The following CADM2 variants were observed in gnomAD, a reference collection of about 807,000 sequenced individuals.
CADM2 encodes the protein immunoglobulin superfamily member 4D.
A neutral mutation model predicts 49.8 loss-of-function variants in CADM2; 12 were observed. That is an observed-to-expected ratio of 0.24 (90% CI 0.15 to 0.39). The LOEUF is 0.39. CADM2 is among the 10% of genes least tolerant of loss of function. The probability of loss-of-function intolerance (pLI) is 1.00; values close to 1 mark genes in which losing one functional copy is unlikely to be tolerated. For missense variants in CADM2, 378 were observed against 492.3 expected, an observed-to-expected ratio of 0.77 and a Z score of 2.20; for synonymous variants, 214 against 175.4, an observed-to-expected ratio of 1.22 and a Z score of -1.74.
At chr3:85,307,613 C>A (rs960435847) in intron 1 of CADM2, among the ~76,000 whole-genome samples, 1 of 151,486 alleles carries the variant, frequency 6.6e-6, no homozygotes, top group African/African-American at 2.4e-5. Flanking sequence ...CTTCTTTGTT[C>A]TTTGTTAAGA....
At chr3:85,471,882 C>A (rs926358108) in intron 1 of CADM2, among the ~76,000 whole-genome samples, 2 of 151,436 alleles carry the variant, frequency 1.3e-5, no homozygotes, top group Admixed American at 1.3e-4. Flanking sequence ...ATAAGTAGTT[C>A]TCAATTCTAA....
At chr3:85,116,819 T>TA (rs2038655857) in intron 1 of CADM2, among the ~76,000 whole-genome samples, 1 of 152,088 alleles carries the variant, frequency 6.6e-6, no homozygotes, top group South Asian at 2.1e-4. Context: ...TTAAATGGTA[T>TA]AAAAAAATCA....
Position 85,672,191 on chromosome 3 carries a change from C to CTTT in CADM2, c.62-54314_62-54312dup, listed in dbSNP as rs5850710. Among the ~76,000 whole-genome samples, 31 of 124,314 alleles carry CTTT rather than the reference C, an allele frequency of 2.5e-4. 1 individual carries two copies. The highest frequency in any genetic ancestry group is 2.0e-3 in the South Asian group (7 of 3,546). The allele number at this position is 124,314 out of a possible 152,430, so 81.6% of individuals were successfully genotyped here. On this transcript the variant is annotated intron_variant, in intron 1 of 9. Transcript: ENST00000383699. The stretch of plus-strand genomic sequence containing the variant: ...ATTCTAAAATTTACTTCTAGGATGT[C>CTTT]TTTTTTTTTTTTTTTTTTTGAGACA...
intron 7 of CADM2, among the ~76,000 whole-genome samples, chr3:85,960,468 G>A (rs531329556): frequency 9.9e-5 from 15 of 152,010 alleles, no homozygotes; most frequent in African/African-American, 3.4e-4. Context: ...GGAGGTACTA[G>A]ATGAAGCATC....
Position 86,065,659 on chromosome 3 carries a change from T to C in CADM2, c.1025T>C (p.Ile342Thr). 1 of 1,614,046 alleles carries C rather than the reference T, an allele frequency of 6.2e-7. No homozygotes were observed. Residue 342 changes from isoleucine (I) to threonine (T), a missense_variant, in exon 9 of 10, where the codon ATA becomes ACA. Physicochemically the swap from Ile to Thr is moderately conservative, Grantham distance 89 (BLOSUM62 -1). Coordinates refer to ENST00000383699, the MANE Select transcript of CADM2 (RefSeq NM_001167675.2). ...CCTGACCATGCTCTCATAGGAGGAA[T>C]AGTGGCTGTAGTTGTATTTGTCACG... Reference protein sequence around the residue: ...NGPDHALIGGIVAVVVFVTLC... With the variant: ...NGPDHALIGGTVAVVVFVTLC...
chr3:85,825,383 G>A (rs1348420443), intron 3 of CADM2, among the ~76,000 whole-genome samples: 3 of 152,062 alleles, frequency 2.0e-5, no homozygotes, highest in Non-Finnish European at 1.5e-5. Context: ...TATGGCATGT[G>A]GCTTCAGCTG....
chr3:85,894,588 A>C (rs1714959574), intron 5 of CADM2, among the ~76,000 whole-genome samples: 1 of 152,158 alleles, frequency 6.6e-6, no homozygotes, highest in African/African-American at 2.4e-5. Flanking sequence ...CAAGACAATG[A>C]GGAAAATGTC....
chr3:85,709,077 T>C (rs2107732439), intron 1 of CADM2, among the ~76,000 whole-genome samples: 1 of 152,254 alleles, frequency 6.6e-6, no homozygotes, highest in African/African-American at 2.4e-5. Flanking sequence ...AAAATCTGTT[T>C]ATTATCGTTA....
intron 1 of CADM2, among the ~76,000 whole-genome samples, chr3:85,101,304 T>A (rs1458969769): frequency 2.0e-5 from 3 of 152,016 alleles, no homozygotes; most frequent in African/African-American, 4.8e-5. Context: ...TTAAATACTA[T>A]CTTATGCTGT....
chr3:85,075,143 G>C (rs1014988652), intron 1 of CADM2, among the ~76,000 whole-genome samples: 2 of 151,768 alleles, frequency 1.3e-5, no homozygotes, highest in Admixed American at 1.3e-4. Context: ...AACTTATGAT[G>C]GTGAGAACTT....
At chr3:86,044,825 A>G (rs1413817945) in intron 8 of CADM2, among the ~76,000 whole-genome samples, 1 of 152,168 alleles carries the variant, frequency 6.6e-6, no homozygotes, top group Admixed American at 6.5e-5. Flanking sequence ...TCCAACAATG[A>G]TAGACTGGAT....
intron 5 of CADM2, among the ~76,000 whole-genome samples, chr3:85,886,720 A>G (rs567141319): frequency 1.2e-4 from 18 of 152,302 alleles, no homozygotes; most frequent in African/African-American, 4.1e-4. Context: ...TCTTCAACTT[A>G]GTTTCGGGAA....
At chr3:85,267,336 A>T (rs893010987) in intron 1 of CADM2, among the ~76,000 whole-genome samples, 13 of 151,620 alleles carry the variant, frequency 8.6e-5, no homozygotes, top group African/African-American at 2.9e-4. Flanking sequence ...CGTTTTTTCA[A>T]ACATGCAAGG....
intron 3 of CADM2, among the ~76,000 whole-genome samples, chr3:85,818,043 C>T (rs2073324291): frequency 6.6e-6 from 1 of 152,076 alleles, no homozygotes; most frequent in African/African-American, 2.4e-5. Flanking sequence ...ATCTTATATA[C>T]TCCTTTTAGA....
At chr3:85,263,506 G>C (rs1229439946) in intron 1 of CADM2, among the ~76,000 whole-genome samples, 1 of 151,956 alleles carries the variant, frequency 6.6e-6, no homozygotes, top group African/African-American at 2.4e-5. Flanking sequence ...CTTTATTTTA[G>C]AGTTGAGAAA....
At chr3:85,519,983 T>A (rs1424318518) in intron 1 of CADM2, among the ~76,000 whole-genome samples, 1 of 152,074 alleles carries the variant, frequency 6.6e-6, no homozygotes, top group African/African-American at 2.4e-5. Flanking sequence ...GTATTTTTAT[T>A]AACAATTAAC....
intron 1 of CADM2, among the ~76,000 whole-genome samples, chr3:85,604,870 C>T (rs902913256): frequency 2.0e-4 from 30 of 151,994 alleles, no homozygotes; most frequent in South Asian, 6.2e-4. Flanking sequence ...TGCCACTTTA[C>T]GCTTATATCA....
At chr3:85,961,793 T>C (rs754071763) in intron 8 of CADM2, 146 bp downstream of exon 8, 1 of 433,912 alleles carries the variant, frequency 2.3e-6, no homozygotes. Context: ...AATTATGAGA[T>C]ATTATATTTA....
chr3:85,052,163 A>G (rs188082527), intron 1 of CADM2, among the ~76,000 whole-genome samples: 1 of 152,254 alleles, frequency 6.6e-6, no homozygotes, highest in African/African-American at 2.4e-5. Flanking sequence ...GCTAGATGCA[A>G]TTACTGAAAT....
Sources: allele counts gnomAD v4.1 joint callset (sites outside exome capture counted in the v4.1 genomes callset), GRCh38; gene constraint gnomAD v4.1.1; transcripts MANE v1.5; gene names NCBI Gene and HGNC (gene_info 2026-07-23, HGNC 2026-07-21).